Variants in BEND2 observed in about 807,000 individuals in gnomAD.
BEND2 encodes the protein BEN domain containing 2.
Under a neutral mutation model 43.8 loss-of-function variants are expected in BEND2, and 19 were observed. That is an observed-to-expected ratio of 0.43 (90% confidence interval 0.30 to 0.64). BEND2 has a LOEUF of 0.64. Among genes scored for constraint, BEND2 ranks in the 30% least tolerant of loss-of-function variants. The pLI is 0.11. For synonymous variants in BEND2, 226 were observed against 210.1 expected (o/e 1.08, Z -0.66); for missense variants, 544 against 574.0 (o/e 0.95, Z 0.53).
chrX:18,186,824 G>A (rs1349153311), intron 8 of BEND2, among the ~76,000 whole-genome samples: 1 of 109,144 alleles, frequency 9.2e-6, no homozygotes, highest in Non-Finnish European at 1.9e-5. Flanking sequence ...AAAGTTTTCC[G>A]GGTATGGGGA....
At chrX:18,174,381 T>G in intron 11 of BEND2, 123 bp from the exon 12 acceptor site, 2 of 579,998 alleles carry the variant, frequency 3.4e-6, no homozygotes, top group African/African-American at 2.3e-5. Flanking sequence ...AAAGGTGGGC[T>G]GAAGCCATAG....
Position 18,164,215 on chromosome X carries a change from G to C in BEND2, c.*794C>G, listed in dbSNP as rs1410538091. On this transcript the variant is annotated 3_prime_UTR_variant, in exon 14 of 14. Transcript: ENST00000380033. ...TTTTTTTGTATTTTTAGTAGAGATG[G>C]GGTTTCGTCATGTTGGCCAGGCTGG... The C allele has an allele frequency of 9.1e-6, 1 of 110,250 alleles. No individual in the cohort carries two copies. The highest frequency in any genetic ancestry group is 9.8e-5 in the Admixed American group (1 of 10,248). The allele number at this position is 110,250 out of a possible 1,213,427, so 9.1% of individuals were successfully genotyped here.
intron 6 of BEND2, among the ~76,000 whole-genome samples, chrX:18,196,073 C>G (rs1291192464): frequency 9.0e-6 from 1 of 111,009 alleles, no homozygotes; most frequent in Non-Finnish European, 1.9e-5. Flanking sequence ...CCGAGGTGGG[C>G]GGATCCCCTG....
rs1403804573 is a variant in BEND2 at position 18,171,174 on chromosome X, C to T, written c.2012G>A (p.Arg671Gln). ...CAAAGTCAGTACTGAACATGGCATCCGTATATTTCTCCATGGTCTTCCAAA... is the reference window on the plus strand; with the variant it reads ...CAAAGTCAGTACTGAACATGGCATCTGTATATTTCTCCATGGTCTTCCAAA... Reference protein sequence around the residue: ...SYFGRPWRNIRMPCSVLTLAK... With the variant: ...SYFGRPWRNIQMPCSVLTLAK... The change falls in exon 13 of 14, where the codon CGG becomes CAG. Residue 671 changes from arginine (R) to glutamine (Q), a missense_variant. Arg to Gln is a conservative substitution (Grantham distance 43, BLOSUM62 1). Around this residue, in one of 2 missense-constraint regions of BEND2, gnomAD observed 501 missense variants for 501.6 expected, o/e 1.00. Transcript: ENST00000380033. 10 of 1,207,256 alleles carry T rather than the reference C, an allele frequency of 8.3e-6. No individual in the cohort carries two copies. Among genetic ancestry groups the T allele is most frequent in the Non-Finnish European group, 1.0e-5 (9 of 892,496 alleles).
chrX:18,220,711 G>T lies in BEND2; in HGVS notation c.25+15C>A, dbSNP rs1407038896. ...GGCCCAAGCTAGCGGGCCAGTTGAG[G>T]CGAGGTCACTTTACCCTGTTCCTGG... On this transcript the variant is annotated intron_variant, in intron 1 of 13. Transcript: ENST00000380033. 8.3e-7 allele frequency: 1 copy of T among 1,210,836 alleles called. No individual in the cohort carries two copies. Among genetic ancestry groups the T allele is most frequent in the Non-Finnish European group, 1.1e-6 (1 of 894,842 alleles).
Position 18,220,832 on chromosome X carries a change from G to GTAAC in BEND2, c.-86_-83dup. 3 of 1,032,847 alleles carry GTAAC rather than the reference G, an allele frequency of 2.9e-6. No homozygotes were observed. Among genetic ancestry groups the GTAAC allele is most frequent in the Non-Finnish European group, 4.0e-6 (3 of 752,872 alleles). The allele number at this position is 1,032,847 out of a possible 1,213,427, so 85.1% of individuals were successfully genotyped here. On this transcript the variant is annotated 5_prime_UTR_variant, in exon 1 of 14. Coordinates refer to ENST00000380033, the MANE Select transcript of BEND2 (RefSeq NM_153346.5). Reference sequence around the variant, plus strand: ...CCTACGTCTGCGCCGCGGCTCTGAGGTAACTGCTTGGTAACTGTGTGGTAA... The same window carrying GTAAC: ...CCTACGTCTGCGCCGCGGCTCTGAGGTAACTAACTGCTTGGTAACTGTGTGGTAA...
intron 13 of BEND2, among the ~76,000 whole-genome samples, chrX:18,167,296 G>GAAAGA (rs1248039500): frequency 1.8e-5 from 2 of 109,353 alleles, no homozygotes; most frequent in Admixed American, 9.8e-5. Context: ...AAAAAAGAAA[G>GAAAGA]AAAGAAAAGA....
chrX:18,201,739 C>T (rs1195313787), intron 6 of BEND2, 76 bp downstream of exon 6: 5 of 1,060,101 alleles, frequency 4.7e-6, no homozygotes, highest in East Asian at 3.4e-5. Flanking sequence ...GTGATGCACC[C>T]GCCTCACCCT....
At chrX:18,216,314 G>A (rs1389369439) in intron 2 of BEND2, among the ~76,000 whole-genome samples, 2 of 110,024 alleles carry the variant, frequency 1.8e-5, no homozygotes, top group Non-Finnish European at 3.8e-5. Flanking sequence ...ATGCTTCCTG[G>A]GACTGTCTCA....
chrX:18,208,021 GAA>G (rs201680223), intron 4 of BEND2, among the ~76,000 whole-genome samples: 8 of 89,225 alleles, frequency 9.0e-5, no homozygotes, highest in Middle Eastern at 6.5e-3. Context: ...TTCTGTCTCA[GAA>G]AAAAAAAAAA....
At chrX:18,219,340 G>T (rs1165998506) in intron 1 of BEND2, among the ~76,000 whole-genome samples, 1 of 112,815 alleles carries the variant, frequency 8.9e-6, no homozygotes, top group Non-Finnish European at 1.9e-5. Context: ...TCCTCTTAAC[G>T]ACCACGCGGC....
chrX:18,180,773 C>CT (rs111461610), intron 8 of BEND2, 123 bp from the exon 9 acceptor site: 14,063 of 352,360 alleles, frequency 0.04, no homozygotes, highest in Non-Finnish European at 0.045. Context: ...CAGACCTACT[C>CT]TTTTTTTTTT....
intron 9 of BEND2, among the ~76,000 whole-genome samples, chrX:18,179,755 T>C (rs1924313524): frequency 8.9e-6 from 1 of 112,379 alleles, no homozygotes; most frequent in Non-Finnish European, 1.9e-5. Flanking sequence ...ATAAGCTGCT[T>C]AGAAGTTGAG....
intron 6 of BEND2, among the ~76,000 whole-genome samples, chrX:18,198,895 C>T (rs1184507614): frequency 9.4e-6 from 1 of 106,638 alleles, no homozygotes; most frequent in East Asian, 3.1e-4. Flanking sequence ...AGTTCATGTC[C>T]TTTGTAGGGA....
At chrX:18,218,541 T>C (rs1220409245) in intron 1 of BEND2, among the ~76,000 whole-genome samples, 1 of 111,999 alleles carries the variant, frequency 8.9e-6, no homozygotes, top group Non-Finnish European at 1.9e-5. Context: ...CCCAATTAAA[T>C]TTTAAAAGAC....
intron 10 of BEND2, among the ~76,000 whole-genome samples, chrX:18,176,623 G>A (rs1047019563): frequency 3.7e-5 from 4 of 109,586 alleles, no homozygotes; most frequent in African/African-American, 1.0e-4. Flanking sequence ...AGGCTGCACC[G>A]AGCTATGATC....
chrX:18,174,351 G>T, intron 11 of BEND2, 93 bp from the exon 12 acceptor site: 1 of 772,397 alleles, frequency 1.3e-6, no homozygotes, highest in East Asian at 3.2e-5. Context: ...CAGGTTGCTA[G>T]GGAAGCAACT....
chrX:18,164,959 C>G lies in BEND2; in HGVS notation c.*50G>C. 1 of 1,132,867 alleles carries G rather than the reference C, an allele frequency of 8.8e-7. No individual in the cohort carries two copies. The allele number at this position is 1,132,867 out of a possible 1,213,427, so 93.4% of individuals were successfully genotyped here. A position where few individuals can be genotyped will look rare whatever the true frequency, so the allele number is the denominator to read the frequency against. ...TTGGAATTAGAACTTGAGAAACTTA[C>G]AAAATAGTCTTAACAGTTAAAAAAA... On this transcript the variant is annotated 3_prime_UTR_variant, in exon 14 of 14. Transcript: ENST00000380033.
At chrX:18,181,627 G>A (rs754902427) in intron 8 of BEND2, among the ~76,000 whole-genome samples, 20 of 111,877 alleles carry the variant, frequency 1.8e-4, no homozygotes, top group Admixed American at 1.2e-3. Flanking sequence ...GGAGAAAAAC[G>A]AAACCTAAGT....
Sources: allele counts gnomAD v4.1 joint callset (sites outside exome capture counted in the v4.1 genomes callset), GRCh38; gene constraint gnomAD v4.1.1; regional missense constraint gnomAD v4.1.1; transcripts MANE v1.5; gene names NCBI Gene and HGNC (gene_info 2026-07-23, HGNC 2026-07-21).